Variants in MTUS2 observed in about 807,000 individuals in gnomAD.
MTUS2 encodes the protein microtubule associated scaffold protein 2, also known as microtubule-associated tumor suppressor candidate 2.
Under a neutral mutation model 114.1 loss-of-function variants are expected in MTUS2, and 40 were observed. The ratio of observed to expected loss-of-function variants is 0.35; its 90% CI spans 0.27 to 0.46. MTUS2 has a LOEUF of 0.46. MTUS2 is among the 20% of genes least tolerant of loss of function. The pLI is 1.00. For missense variants in MTUS2, 1,679 were observed against 1,705.4 expected, an observed-to-expected ratio of 0.98 and a Z score of 0.27; for synonymous variants, 688 against 672.0, an observed-to-expected ratio of 1.02 and a Z score of -0.37.
In MTUS2 at chr13:29,026,412, C is replaced by T. The variant is rs1210782354; in HGVS notation, c.1714C>T (p.Pro572Ser). The T allele has an allele frequency of 6.2e-7, 1 of 1,613,824 alleles. No individual in the cohort carries two copies. The change falls in exon 3 of 16, where the codon CCA becomes TCA. Residue 572 changes from proline (P) to serine (S), a missense_variant. By Grantham distance (74) the Pro-to-Ser change is moderately conservative. Transcript: ENST00000612955. ...GGATGCGGGGTCCCCCTTGGTAGTT[C>T]CACCCCCTACTGATAGTGCACGCTT... ...GMDAGSPLVVPPPTDSARLLN... is the reference protein window; with the variant it reads ...GMDAGSPLVVSPPTDSARLLN...
chr13:29,391,324 G>C (rs1192951401), intron 8 of MTUS2, among the ~76,000 whole-genome samples: 2 of 152,154 alleles, frequency 1.3e-5, no homozygotes, highest in Non-Finnish European at 2.9e-5. Context: ...TTACTTCTGA[G>C]AACTATCTGA....
rs180734619 is a variant in MTUS2, at chr13:29,362,142, G to C, written c.3117+2669G>C. On this transcript the variant is annotated intron_variant, in intron 8 of 15. Coordinates refer to ENST00000612955, the MANE Select transcript of MTUS2 (RefSeq NM_001033602.4). ...TTCACAAAGTCATTGTGAGAATGTA[G>C]TGAATTAATGTGCAAAGATGCTTTA... Among the ~76,000 whole-genome samples, 7 of 152,324 alleles carry C rather than the reference G, an allele frequency of 4.6e-5. No individual in the cohort carries two copies. The East Asian group carries it at 1.4e-3, about 29-fold the overall frequency.
intron 2 of MTUS2, among the ~76,000 whole-genome samples, chr13:28,944,155 A>G (rs1478480378): frequency 6.6e-6 from 1 of 151,928 alleles, no homozygotes; most frequent in Non-Finnish European, 1.5e-5. Flanking sequence ...ATACAATTTG[A>G]TACATTCATA....
At chr13:29,363,137 G>A (rs1287600158) in intron 8 of MTUS2, among the ~76,000 whole-genome samples, 1 of 152,132 alleles carries the variant, frequency 6.6e-6, no homozygotes, top group East Asian at 1.9e-4. Flanking sequence ...AGGTTGAATG[G>A]TGTGATGGTG....
intron 5 of MTUS2, among the ~76,000 whole-genome samples, chr13:29,197,291 A>T (rs796421222): frequency 1.3e-5 from 2 of 151,382 alleles, no homozygotes; most frequent in African/African-American, 4.9e-5. Context: ...TCATTATTCA[A>T]CTCCCACTTA....
chr13:28,921,614 C>T (rs796422094), intron 2 of MTUS2, among the ~76,000 whole-genome samples: 3 of 152,224 alleles, frequency 2.0e-5, no homozygotes, highest in African/African-American at 7.2e-5. Flanking sequence ...GAATTGCAGT[C>T]CTTGTGTCCT....
At chr13:28,971,141 C>T (rs1474183741) in intron 2 of MTUS2, among the ~76,000 whole-genome samples, 1 of 152,132 alleles carries the variant, frequency 6.6e-6, no homozygotes, top group Non-Finnish European at 1.5e-5. Flanking sequence ...TGGGATTTTT[C>T]AAATACTATG....
intron 2 of MTUS2, among the ~76,000 whole-genome samples, chr13:28,964,563 A>G (rs976583866): frequency 6.6e-6 from 1 of 151,724 alleles, no homozygotes; most frequent in African/African-American, 2.4e-5. Flanking sequence ...GGTACGCTGA[A>G]TTATGAAGGA....
intron 2 of MTUS2, among the ~76,000 whole-genome samples, chr13:28,918,951 C>G (rs1348276357): frequency 3.3e-5 from 5 of 151,874 alleles, no homozygotes; most frequent in African/African-American, 1.2e-4. Context: ...AAAAAGAAAA[C>G]TAATAAAAAA....
At chr13:28,950,073 T>G (rs1418267578) in intron 2 of MTUS2, among the ~76,000 whole-genome samples, 1 of 152,230 alleles carries the variant, frequency 6.6e-6, no homozygotes, top group Non-Finnish European at 1.5e-5. Context: ...TTCACAACAG[T>G]GCACAAGGGT....
At chr13:29,468,269 T>C (rs1880027723) in intron 9 of MTUS2, among the ~76,000 whole-genome samples, 1 of 152,034 alleles carries the variant, frequency 6.6e-6, no homozygotes, top group Admixed American at 6.6e-5. Context: ...AATAACAATA[T>C]TTTTATTCTT....
At chr13:29,295,012 C>T (rs983668890) in intron 6 of MTUS2, among the ~76,000 whole-genome samples, 20 of 152,174 alleles carry the variant, frequency 1.3e-4, no homozygotes, top group Admixed American at 4.6e-4. Context: ...TCCTTTCCTA[C>T]ACAATGAGGC....
At chr13:29,313,299 C>G (rs1226913715) in intron 6 of MTUS2, among the ~76,000 whole-genome samples, 1 of 152,050 alleles carries the variant, frequency 6.6e-6, no homozygotes, top group Non-Finnish European at 1.5e-5. Context: ...ATGTATATTT[C>G]AAAAGATTTG....
rs111562826 is a variant in MTUS2, at chr13:29,014,510, T to C, written c.-242-9947T>C. On this transcript the variant is annotated intron_variant, in intron 2 of 15. Transcript: ENST00000612955. ...GAGCAGGACTTACCATCCTTACCTT[T>C]ATTCTATTGGGAGAGGAAGACAATG... is the stretch of plus-strand genomic sequence containing the variant. Among the ~76,000 whole-genome samples the C allele has an allele frequency of 4.1e-3, 622 of 152,326 alleles. 4 individuals are homozygous for C. The highest frequency in any genetic ancestry group is 0.014 in the African/African-American group (590 of 41,576).
At chr13:29,417,290 G>C (rs9551671) in intron 8 of MTUS2, among the ~76,000 whole-genome samples, 38,122 of 152,056 alleles carry the variant, frequency 0.25, 5,273 homozygotes, top group African/African-American at 0.36. Flanking sequence ...CCATTTATGA[G>C]AGATTCTTCC....
intron 7 of MTUS2, among the ~76,000 whole-genome samples, chr13:29,332,617 TCTTG>T (rs1900838515): frequency 6.7e-6 from 1 of 148,450 alleles, no homozygotes; most frequent in African/African-American, 2.5e-5. Context: ...ATTTGTTTGC[TCTTG>T]CTTCTCTAAT....
At chr13:29,128,230 G>A (rs1891602128) in intron 5 of MTUS2, among the ~76,000 whole-genome samples, 1 of 152,210 alleles carries the variant, frequency 6.6e-6, no homozygotes, top group South Asian at 2.1e-4. Flanking sequence ...TGGGCAGGCA[G>A]GCCTTTCTCA....
At chr13:28,925,750 C>T (rs1047250790) in intron 2 of MTUS2, among the ~76,000 whole-genome samples, 16 of 152,266 alleles carry the variant, frequency 1.1e-4, no homozygotes, top group East Asian at 1.9e-4. Flanking sequence ...TACCACTGTA[C>T]GAGGTATTGT....
chr13:29,223,727 T>A (rs1166968042), intron 5 of MTUS2, among the ~76,000 whole-genome samples: 1 of 152,074 alleles, frequency 6.6e-6, no homozygotes, highest in East Asian at 1.9e-4. Context: ...TTGCTCACCA[T>A]GTTGGAGGTG....
Sources: allele counts gnomAD v4.1 joint callset (sites outside exome capture counted in the v4.1 genomes callset), GRCh38; gene constraint gnomAD v4.1.1; transcripts MANE v1.5; gene names NCBI Gene and HGNC (gene_info 2026-07-23, HGNC 2026-07-21).